KATNIP: variants seen among roughly 807,000 people sequenced by gnomAD.
KATNIP encodes katanin interacting protein.
In KATNIP, 126 loss-of-function variants were observed where a neutral mutation model predicts 174.0. The observed-to-expected ratio is 0.72, with a 90% CI of 0.63 to 0.84. KATNIP has a LOEUF of 0.84. KATNIP is among the 40% of genes least tolerant of loss of function. The probability of loss-of-function intolerance (pLI) is 0.00; values close to 1 mark genes in which losing one functional copy is unlikely to be tolerated. For synonymous variants in KATNIP, 810 were observed against 835.7 expected, an observed-to-expected ratio of 0.97 and a Z score of 0.53; for missense variants, 1,958 against 2,109.7, an observed-to-expected ratio of 0.93 and a Z score of 1.41.
At chr16:27,647,843 G>T (rs908800657) in intron 5 of KATNIP, among the ~76,000 whole-genome samples, 2 of 151,978 alleles carry the variant, frequency 1.3e-5, no homozygotes, top group African/African-American at 4.8e-5. Context: ...AGAGATGGGG[G>T]TCTCACTATG....
intron 14 of KATNIP, among the ~76,000 whole-genome samples, chr16:27,724,420 C>G (rs578077808): frequency 2.0e-4 from 30 of 152,338 alleles, no homozygotes; most frequent in African/African-American, 7.0e-4. Flanking sequence ...TAAGCTTCAT[C>G]CCTTTTGGCC....
rs546855253 is a variant in KATNIP, at chr16:27,641,890, C to T, written c.409-6714C>T. Among the ~76,000 whole-genome samples, 245 of 152,292 alleles carry T rather than the reference C, an allele frequency of 1.6e-3. 5 individuals carry two copies. The South Asian group carries it at 0.045, about 28-fold the overall frequency. On this transcript the variant is annotated intron_variant, in intron 5 of 27. Coordinates refer to ENST00000261588, the MANE Select transcript of KATNIP (RefSeq NM_015202.5). Reference sequence around the variant, plus strand: ...CTAGAAACCCATGGGGAGGCCAGGCCGCACCCTAGGCCCTGGCCGGTGCTG... The same window carrying T: ...CTAGAAACCCATGGGGAGGCCAGGCTGCACCCTAGGCCCTGGCCGGTGCTG...
intron 23 of KATNIP, among the ~76,000 whole-genome samples, chr16:27,773,807 CT>C (rs2082396278): frequency 1.3e-5 from 2 of 152,150 alleles, no homozygotes. Flanking sequence ...CAAGCATATC[CT>C]TCTGGTCTAC....
intron 19 of KATNIP, among the ~76,000 whole-genome samples, chr16:27,764,964 C>T (rs576069928): frequency 6.3e-4 from 96 of 152,222 alleles, no homozygotes; most frequent in African/African-American, 2.2e-3. Flanking sequence ...CTTGGGTAAA[C>T]ACTTCGATTA....
intron 20 of KATNIP, among the ~76,000 whole-genome samples, chr16:27,767,271 A>T (rs1056417224): frequency 6.6e-6 from 1 of 152,042 alleles, no homozygotes; most frequent in Non-Finnish European, 1.5e-5. Context: ...CTGTCTCCTC[A>T]TCTATAAAAT....
intron 18 of KATNIP, among the ~76,000 whole-genome samples, chr16:27,759,492 C>T (rs6498034): frequency 0.24 from 36,079 of 152,220 alleles, 5,613 homozygotes; most frequent in African/African-American, 0.45. Flanking sequence ...ATATTCATGA[C>T]TGACTGGTAA....
chr16:27,599,738 T>C (rs1172494008), intron 2 of KATNIP, among the ~76,000 whole-genome samples: 1 of 152,170 alleles, frequency 6.6e-6, no homozygotes, highest in Non-Finnish European at 1.5e-5. Flanking sequence ...ACTTCCGCTG[T>C]CCGCTCCAGG....
chr16:27,742,238 T>G (rs1334868059), intron 15 of KATNIP, among the ~76,000 whole-genome samples: 1 of 152,096 alleles, frequency 6.6e-6, no homozygotes, highest in Non-Finnish European at 1.5e-5. Flanking sequence ...GAATCCAAAC[T>G]CAGCCGCTTA....
At chr16:27,705,208 GCCT>G (rs1430333972) in intron 12 of KATNIP, among the ~76,000 whole-genome samples, 1 of 152,110 alleles carries the variant, frequency 6.6e-6, no homozygotes, top group Non-Finnish European at 1.5e-5. Context: ...ACCACACCCA[GCCT>G]CCATTTTCTT....
intron 2 of KATNIP, among the ~76,000 whole-genome samples, chr16:27,616,410 G>A (rs913641766): frequency 1.3e-5 from 2 of 151,924 alleles, no homozygotes; most frequent in African/African-American, 4.8e-5. Context: ...ATTGTTTATT[G>A]TATGATCCTA....
At chr16:27,664,762 C>T (rs1302548784) in intron 6 of KATNIP, among the ~76,000 whole-genome samples, 1 of 152,186 alleles carries the variant, frequency 6.6e-6, no homozygotes, top group Non-Finnish European at 1.5e-5. Context: ...ACCTTTCATC[C>T]ATATGAATAT....
At chr16:27,716,582 T>C (rs920574246) in intron 13 of KATNIP, among the ~76,000 whole-genome samples, 3 of 152,212 alleles carry the variant, frequency 2.0e-5, no homozygotes, top group Admixed American at 2.0e-4. Context: ...TTGACATTGG[T>C]ATAATGTACA....
chr16:27,583,130 C>A (rs951791571), intron 2 of KATNIP, among the ~76,000 whole-genome samples: 1 of 152,208 alleles, frequency 6.6e-6, no homozygotes, highest in Non-Finnish European at 1.5e-5. Context: ...GAATCAATTT[C>A]TGATAAAATG....
chr16:27,744,915 A>G (rs982416089), intron 15 of KATNIP, among the ~76,000 whole-genome samples: 64 of 152,236 alleles, frequency 4.2e-4, no homozygotes, highest in Middle Eastern at 6.8e-3. Flanking sequence ...ACTCTGTCTC[A>G]GAAAATAAAA....
At chr16:27,703,289 G>A (rs2079172373) in intron 11 of KATNIP, among the ~76,000 whole-genome samples, 1 of 152,162 alleles carries the variant, frequency 6.6e-6, no homozygotes, top group African/African-American at 2.4e-5. Flanking sequence ...GAGATCCTTT[G>A]TGCTTCAGGG....
chr16:27,637,711 T>C lies in KATNIP; in HGVS notation c.408+6549T>C, dbSNP rs930114502. On this transcript the variant is annotated intron_variant, in intron 5 of 27. Transcript: ENST00000261588. This position sits in a 1 kb window ranked among gnomAD's most constrained non-coding sequence, Gnocchi z 4.7. ...GTGGCAGAAAGGGTGGGGATGAGGG[T>C]GTCAGGGTTGCAAGTAGGAAGAACC... 2.6e-5 allele frequency among the ~76,000 whole-genome samples: 4 copies of C among 151,728 alleles called. No homozygotes were observed. Among genetic ancestry groups the C allele is most frequent in the African/African-American group, 9.7e-5 (4 of 41,256 alleles).
At chr16:27,601,367 G>C (rs2075518841) in intron 2 of KATNIP, among the ~76,000 whole-genome samples, 1 of 152,178 alleles carries the variant, frequency 6.6e-6, no homozygotes, top group Non-Finnish European at 1.5e-5. Flanking sequence ...TGTTGGGAGA[G>C]GCCCCTGGAA....
Position 27,648,708 on chromosome 16 carries a change from A to C in KATNIP, c.513A>C (p.Ala171=), listed in dbSNP as rs1156399830. The change falls in exon 6 of 28, where the codon GCA becomes GCC. Residue 171 remains alanine (A), a synonymous_variant. Coordinates refer to ENST00000261588, the MANE Select transcript of KATNIP (RefSeq NM_015202.5). ...FELCGDVTLQ[A]NNTSEDRPQE... is the part of the protein sequence containing the mutation. ...TGTGTGGGGATGTGACTCTCCAGGC[A>C]AACAACACTTCTGAGGATCGTCCGC... 4 of 1,614,028 alleles carry C rather than the reference A, an allele frequency of 2.5e-6. No individual in the cohort carries two copies. Among genetic ancestry groups the C allele is most frequent in the African/African-American group, 1.3e-5 (1 of 74,942 alleles).
chr16:27,550,738 C>G (rs1178107326), intron 1 of KATNIP, among the ~76,000 whole-genome samples: 3 of 152,168 alleles, frequency 2.0e-5, no homozygotes, highest in African/African-American at 7.2e-5. Context: ...CAGCGTTGTT[C>G]CATTTTACAG....
Sources: gnomAD v4.1 joint callset for allele counts (sites outside exome capture counted in the v4.1 genomes callset) on GRCh38, gnomAD v4.1.1 for gene constraint, Gnocchi (gnomAD v3.1) non-coding constraint, MANE v1.5 for transcripts, NCBI Gene and HGNC (gene_info 2026-07-23, HGNC 2026-07-21) for gene names.